Variants in SLIT2 observed in about 807,000 individuals in gnomAD.
SLIT2 encodes slit homolog 2 protein.
A neutral mutation model predicts 185.7 loss-of-function variants in SLIT2; 41 were observed. That is an observed-to-expected ratio of 0.22 (90% CI 0.17 to 0.29). SLIT2 has a LOEUF of 0.29. Among genes scored for constraint, SLIT2 ranks in the 10% least tolerant of loss-of-function variants. The pLI, the probability that SLIT2 is intolerant of heterozygous loss-of-function variation, is 1.00. For missense variants in SLIT2, 1,571 were observed against 1,909.0 expected (o/e 0.82, Z 3.30); for synonymous variants, 693 against 680.2 (o/e 1.02, Z -0.29).
At position 20,372,879 on chromosome 4, in the gene SLIT2, T is replaced by G. The variant is rs533339168; in HGVS notation, c.396-94873T>G. The stretch of plus-strand genomic sequence containing the variant: ...TTTTTGTTGTAAGTATGTTTACAAA[T>G]GAATAAATGTCATATTTAATAAACC... On this transcript the variant is annotated intron_variant, in intron 4 of 36. Coordinates refer to ENST00000504154, the MANE Select transcript of SLIT2 (RefSeq NM_004787.4). 5.7e-4 allele frequency among the ~76,000 whole-genome samples: 87 copies of G among 152,224 alleles called. No individual in the cohort carries two copies. The South Asian group carries it at 0.014, about 25-fold the overall frequency.
intron 21 of SLIT2, among the ~76,000 whole-genome samples, chr4:20,543,148 G>T (rs2148880599): frequency 6.6e-6 from 1 of 152,086 alleles, no homozygotes; most frequent in South Asian, 2.1e-4. Context: ...GTATATGGAA[G>T]AAACTAGCAT....
At chr4:20,516,833 CA>C (rs1720260344) in intron 11 of SLIT2, among the ~76,000 whole-genome samples, 1 of 152,086 alleles carries the variant, frequency 6.6e-6, no homozygotes. Flanking sequence ...CTCCATATAG[CA>C]ATAATTCCTA....
intron 26 of SLIT2, among the ~76,000 whole-genome samples, chr4:20,562,003 T>C (rs1724733930): frequency 6.6e-6 from 1 of 151,832 alleles, no homozygotes. Context: ...GGAAGTTCAT[T>C]TAGTGGCCCA....
intron 11 of SLIT2, among the ~76,000 whole-genome samples, chr4:20,517,481 G>T (rs1160105258): frequency 6.6e-6 from 1 of 151,938 alleles, no homozygotes; most frequent in Non-Finnish European, 1.5e-5. Flanking sequence ...ATTTATTCAT[G>T]CCTTATCTTT....
intron 4 of SLIT2, among the ~76,000 whole-genome samples, chr4:20,315,031 A>G (rs1285536858): frequency 1.5e-5 from 2 of 131,602 alleles, no homozygotes; most frequent in Non-Finnish European, 3.3e-5. Context: ...TATTATAATT[A>G]AAAATTATAA....
chr4:20,329,832 C>A (rs1006632031), intron 4 of SLIT2, among the ~76,000 whole-genome samples: 28 of 151,958 alleles, frequency 1.8e-4, no homozygotes, highest in African/African-American at 6.3e-4. Flanking sequence ...ACCAGCCTCA[C>A]CAGTTGATGA....
intron 26 of SLIT2, among the ~76,000 whole-genome samples, chr4:20,562,416 C>G (rs1724768087): frequency 6.6e-6 from 1 of 151,764 alleles, no homozygotes; most frequent in South Asian, 2.1e-4. Flanking sequence ...TTCTTAAGAA[C>G]TTCACATTCA....
At chr4:20,531,819 A>C (rs1334006378) in intron 16 of SLIT2, among the ~76,000 whole-genome samples, 165 bp from the exon 17 acceptor site, 2 of 151,944 alleles carry the variant, frequency 1.3e-5, no homozygotes, top group Non-Finnish European at 2.9e-5. Context: ...TTTGAATAAA[A>C]TGAGAAAAAA....
At position 20,410,243 on chromosome 4, in the gene SLIT2, CTTTTTT is replaced by C. The variant is rs1160985126; in HGVS notation, c.396-57491_396-57486del. On this transcript the variant is annotated intron_variant, in intron 4 of 36. Transcript: ENST00000504154. The stretch of plus-strand genomic sequence containing the variant: ...TGGTTTTTTTTCTTTTCTTTCTTTT[CTTTTTT>C]TTTTTTTTTTTTTTTTTGAGACAGA... Among the ~76,000 whole-genome samples the C allele has an allele frequency of 6.8e-4, 47 of 69,054 alleles. 1 individual carries two copies. The highest frequency in any genetic ancestry group is 1.1e-3 in the Non-Finnish European group (40 of 36,744). 45.3% of individuals were successfully genotyped at this position (69,054 alleles called of 152,430 possible).
intron 4 of SLIT2, among the ~76,000 whole-genome samples, chr4:20,434,821 G>A (rs537304631): frequency 6.6e-6 from 1 of 152,296 alleles, no homozygotes; most frequent in African/African-American, 2.4e-5. Flanking sequence ...TGACCAAGAG[G>A]AGTGATGGTT....
chr4:20,588,548 T>C (rs1727256358), intron 29 of SLIT2, among the ~76,000 whole-genome samples: 1 of 152,186 alleles, frequency 6.6e-6, no homozygotes, highest in African/African-American at 2.4e-5. Flanking sequence ...ATTTATTGCA[T>C]ATAAAACAAT....
intron 4 of SLIT2, among the ~76,000 whole-genome samples, chr4:20,289,769 T>G (rs1329144500): frequency 1.3e-5 from 2 of 152,192 alleles, no homozygotes; most frequent in African/African-American, 2.4e-5. Context: ...CAGTGTTTTC[T>G]GAAGAAAGGG....
chr4:20,480,593 GTGTT>G, intron 5 of SLIT2, 119 bp from the exon 6 acceptor site: 1 of 656,598 alleles, frequency 1.5e-6, no homozygotes, highest in Non-Finnish European at 2.7e-6. Flanking sequence ...GCAGATGAGT[GTGTT>G]TGTGAGGGCA....
chr4:20,582,556 T>C (rs1726676806), intron 29 of SLIT2, among the ~76,000 whole-genome samples: 1 of 152,192 alleles, frequency 6.6e-6, no homozygotes, highest in African/African-American at 2.4e-5. Context: ...TCATCCCAAG[T>C]AAGCCCTTAG....
At chr4:20,554,501 C>T (rs542906517) in intron 26 of SLIT2, among the ~76,000 whole-genome samples, 3 of 152,224 alleles carry the variant, frequency 2.0e-5, no homozygotes, top group African/African-American at 7.2e-5. Flanking sequence ...GTCAGAATAA[C>T]AAATATTATT....
At position 20,300,987 on chromosome 4, in the gene SLIT2, A is replaced by G. The variant is rs1189327758; in HGVS notation, c.395+32106A>G. ...TCATTAGCCTTTGTGTTACCTTAACATATAGTACAGATTTTGCCTTATGCT... is the reference window on the plus strand; with the variant it reads ...TCATTAGCCTTTGTGTTACCTTAACGTATAGTACAGATTTTGCCTTATGCT... On this transcript the variant is annotated intron_variant, in intron 4 of 36. Coordinates refer to ENST00000504154, the MANE Select transcript of SLIT2 (RefSeq NM_004787.4). Among the ~76,000 whole-genome samples, 5 of 152,208 alleles carry G rather than the reference A, an allele frequency of 3.3e-5. No individual in the cohort carries two copies. The East Asian group carries it at 7.7e-4, about 24-fold the overall frequency.
At chr4:20,421,149 A>G (rs938139780) in intron 4 of SLIT2, among the ~76,000 whole-genome samples, 1 of 152,172 alleles carries the variant, frequency 6.6e-6, no homozygotes, top group Non-Finnish European at 1.5e-5. Context: ...AATGGGGATG[A>G]CCTTCAGTTT....
chr4:20,383,126 A>G (rs1397141785), intron 4 of SLIT2, among the ~76,000 whole-genome samples: 1 of 152,202 alleles, frequency 6.6e-6, no homozygotes, highest in Admixed American at 6.5e-5. Context: ...CTAATGTCAC[A>G]CCATATGCAA....
intron 4 of SLIT2, among the ~76,000 whole-genome samples, chr4:20,451,247 C>A (rs533815343): frequency 6.6e-6 from 1 of 152,236 alleles, no homozygotes; most frequent in Non-Finnish European, 1.5e-5. Context: ...AGTGATGTGA[C>A]CGATGTGACA....
Sources: allele counts gnomAD v4.1 joint callset (sites outside exome capture counted in the v4.1 genomes callset), GRCh38; gene constraint gnomAD v4.1.1; transcripts MANE v1.5; gene names NCBI Gene and HGNC (gene_info 2026-07-23, HGNC 2026-07-21).